The following CNTN5 variants were observed in gnomAD, a reference collection of about 807,000 sequenced individuals.
The protein encoded by CNTN5 is contactin 5, also known as contactin-5.
A neutral mutation model predicts 129.1 loss-of-function variants in CNTN5; 77 were observed. The ratio of observed to expected loss-of-function variants is 0.60; its 90% confidence interval spans 0.50 to 0.72. CNTN5 has a LOEUF of 0.72. CNTN5 is among the 30% of genes least tolerant of loss of function. CNTN5 has a pLI of 0.00. For synonymous variants in CNTN5, 509 were observed against 465.6 expected (o/e 1.09, Z -1.20); for missense variants, 1,478 against 1,328.8 (o/e 1.11, Z -1.75).
chr11:99,848,832 T>A (rs1947783889), intron 6 of CNTN5, among the ~76,000 whole-genome samples: 1 of 152,182 alleles, frequency 6.6e-6, no homozygotes, highest in African/African-American at 2.4e-5. Context: ...TATTACCCAA[T>A]TCAAAGTCTA....
intron 9 of CNTN5, among the ~76,000 whole-genome samples, chr11:100,020,991 C>T (rs1475611505): frequency 1.3e-5 from 2 of 152,118 alleles, no homozygotes; most frequent in Non-Finnish European, 2.9e-5. Flanking sequence ...AATGTCCGTA[C>T]TGCCCAAAGC....
At chr11:99,738,574 GA>G (rs1673308957) in intron 3 of CNTN5, among the ~76,000 whole-genome samples, 1 of 150,758 alleles carries the variant, frequency 6.6e-6, no homozygotes, top group Non-Finnish European at 1.5e-5. Flanking sequence ...AAATAACCCA[GA>G]AAAGGCAGGC....
At chr11:99,555,958 C>T (rs960739861) in intron 2 of CNTN5, among the ~76,000 whole-genome samples, 187 bp from the exon 3 acceptor site, 2 of 151,762 alleles carry the variant, frequency 1.3e-5, no homozygotes, top group Admixed American at 6.6e-5. Flanking sequence ...TTCCTAAGTA[C>T]TTGTATTGTG....
At chr11:99,496,242 G>A (rs1413546302) in intron 2 of CNTN5, among the ~76,000 whole-genome samples, 1 of 152,094 alleles carries the variant, frequency 6.6e-6, no homozygotes, top group Non-Finnish European at 1.5e-5. Context: ...TTTAAGTGAT[G>A]TGTCAAAGAC....
intron 1 of CNTN5, among the ~76,000 whole-genome samples, chr11:99,259,253 CCT>C (rs1269725254): frequency 1.1e-4 from 17 of 151,730 alleles, no homozygotes; most frequent in Admixed American, 4.0e-4. Flanking sequence ...GTATACTCCC[CCT>C]CTTTTCCATG....
At chr11:99,913,770 A>G (rs887426303) in intron 6 of CNTN5, among the ~76,000 whole-genome samples, 3 of 152,102 alleles carry the variant, frequency 2.0e-5, no homozygotes, top group Non-Finnish European at 4.4e-5. Flanking sequence ...TGTAAATACA[A>G]TAGGTTGATT....
At chr11:100,036,120 A>G (rs1941985929) in intron 9 of CNTN5, among the ~76,000 whole-genome samples, 1 of 152,136 alleles carries the variant, frequency 6.6e-6, no homozygotes, top group Non-Finnish European at 1.5e-5. Context: ...TTAAGTCTTT[A>G]ATCCATCTTG....
chr11:100,135,482 A>AT (rs1251148029), intron 13 of CNTN5, among the ~76,000 whole-genome samples: 1 of 152,016 alleles, frequency 6.6e-6, no homozygotes, highest in Non-Finnish European at 1.5e-5. Context: ...GCCAGAAAAG[A>AT]TTTTTTAAAA....
At chr11:99,902,037 C>G (rs987952270) in intron 6 of CNTN5, among the ~76,000 whole-genome samples, 36 of 152,244 alleles carry the variant, frequency 2.4e-4, no homozygotes, top group African/African-American at 7.9e-4. Context: ...AAATCCATGT[C>G]TTTCTGATTC....
intron 1 of CNTN5, among the ~76,000 whole-genome samples, chr11:99,248,664 G>A (rs1055974096): frequency 1.3e-5 from 2 of 152,140 alleles, no homozygotes; most frequent in African/African-American, 4.8e-5. Flanking sequence ...AAGGGATCCA[G>A]TTTCAGCTTT....
At chr11:99,490,200 A>T (rs542185870) in intron 2 of CNTN5, among the ~76,000 whole-genome samples, 1 of 152,224 alleles carries the variant, frequency 6.6e-6, no homozygotes, top group Non-Finnish European at 1.5e-5. Flanking sequence ...TAATATTATA[A>T]GAAAGAAGTG....
chr11:100,081,473 T>C (rs1944361558), intron 13 of CNTN5, among the ~76,000 whole-genome samples: 2 of 152,274 alleles, frequency 1.3e-5, no homozygotes, highest in South Asian at 4.1e-4. Context: ...CTACAGAAGC[T>C]GGCTTGAACC....
chr11:99,472,072 A>G (rs1422752449), intron 2 of CNTN5, among the ~76,000 whole-genome samples: 1 of 152,178 alleles, frequency 6.6e-6, no homozygotes, highest in Non-Finnish European at 1.5e-5. Flanking sequence ...TTTCATGGTT[A>G]TCAGACAAAC....
At chr11:99,489,319 G>A (rs1945942772) in intron 2 of CNTN5, among the ~76,000 whole-genome samples, 1 of 152,102 alleles carries the variant, frequency 6.6e-6, no homozygotes, top group Non-Finnish European at 1.5e-5. Context: ...GCCTTCAAAT[G>A]CAATAGAGCG....
intron 1 of CNTN5, among the ~76,000 whole-genome samples, chr11:99,049,349 A>G (rs554017766): frequency 1.1e-4 from 16 of 152,278 alleles, no homozygotes; most frequent in African/African-American, 3.6e-4. Context: ...TCAGATTTTC[A>G]TAGAAATTCT....
intron 2 of CNTN5, among the ~76,000 whole-genome samples, chr11:99,437,314 T>C (rs1943638052): frequency 6.6e-6 from 1 of 152,176 alleles, no homozygotes; most frequent in Non-Finnish European, 1.5e-5. Flanking sequence ...TTTGCCGCTT[T>C]ATGTTTCTAA....
intron 6 of CNTN5, among the ~76,000 whole-genome samples, chr11:99,915,404 C>G (rs1203916189): frequency 6.6e-6 from 1 of 152,018 alleles, no homozygotes; most frequent in Non-Finnish European, 1.5e-5. Context: ...ATACTATAAT[C>G]CCTTTTACAT....
intron 3 of CNTN5, among the ~76,000 whole-genome samples, chr11:99,747,724 G>T (rs530993286): frequency 6.6e-6 from 1 of 152,056 alleles, no homozygotes; most frequent in East Asian, 1.9e-4. Flanking sequence ...CACCCGCCTC[G>T]GCCTCCCAAA....
chr11:99,609,115 G>A (rs1950520386), intron 3 of CNTN5, among the ~76,000 whole-genome samples: 1 of 152,088 alleles, frequency 6.6e-6, no homozygotes, highest in Admixed American at 6.6e-5. Context: ...AGCTTAGAAT[G>A]GATGTTTTGG....
Sources: allele counts gnomAD v4.1 joint callset (sites outside exome capture counted in the v4.1 genomes callset), GRCh38; gene constraint gnomAD v4.1.1; transcripts MANE v1.5; gene names NCBI Gene and HGNC (gene_info 2026-07-23, HGNC 2026-07-21).